PDE1A: variants seen among roughly 807,000 people sequenced by gnomAD.
PDE1A encodes the protein dual specificity calcium/calmodulin-dependent 3',5'-cyclic nucleotide phosphodiesterase 1A.
A neutral mutation model predicts 61.7 loss-of-function variants in PDE1A; 35 were observed. The observed-to-expected ratio is 0.57, with a 90% CI of 0.43 to 0.75. The LOEUF is 0.75. PDE1A is among the 30% of genes least tolerant of loss of function. The probability of loss-of-function intolerance (pLI) is 0.00; values close to 1 mark genes in which losing one functional copy is unlikely to be tolerated. For missense variants in PDE1A, 597 were observed against 630.6 expected (o/e 0.95, Z 0.57); for synonymous variants, 232 against 213.2 (o/e 1.09, Z -0.77).
At chr2:182,713,502 G>C in the PDE1A span, among the ~76,000 whole-genome samples, 2 of 152,196 alleles carry the variant, frequency 1.3e-5, no homozygotes, top group Non-Finnish European at 2.9e-5. Flanking sequence ...GTGGTGGCAT[G>C]TGCCTGTAAT....
At chr2:182,495,914 A>G (rs1469882201) in intron 2 of PDE1A, among the ~76,000 whole-genome samples, 2 of 152,224 alleles carry the variant, frequency 1.3e-5, no homozygotes, top group Non-Finnish European at 1.5e-5. Context: ...GTGTCAATGC[A>G]CTGTTCTTCA....
chr2:182,430,804 G>T (rs1703899488), upstream of PDE1A, among the ~76,000 whole-genome samples: 2 of 132,114 alleles, frequency 1.5e-5, no homozygotes, highest in South Asian at 5.5e-4. Flanking sequence ...CATGTCCTTT[G>T]TAGGGACATG....
rs1279701828 is a variant in PDE1A at position 182,497,285 on chromosome 2, G to A, written c.101+24991C>T. 4.6e-5 allele frequency among the ~76,000 whole-genome samples: 7 copies of A among 152,278 alleles called. No homozygotes were observed. The South Asian group carries it at 1.5e-3, about 32-fold the overall frequency. On this transcript the variant is annotated intron_variant, in intron 2 of 14. Transcript: ENST00000410103. The stretch of plus-strand genomic sequence containing the variant: ...TTCGGGAGTGTGGAAACTAGGTGGA[G>A]GGGTGGAAACCTTAGCAAAGGATGA...
intron 13 of PDE1A, among the ~76,000 whole-genome samples, chr2:182,152,123 A>G (rs1690816213): frequency 6.6e-6 from 1 of 152,182 alleles, no homozygotes; most frequent in Non-Finnish European, 1.5e-5. Flanking sequence ...TTATTTTTTC[A>G]TAAGAAGAAT....
downstream of PDE1A, among the ~76,000 whole-genome samples, chr2:182,167,034 G>A (rs1691686817): frequency 6.6e-6 from 1 of 152,052 alleles, no homozygotes; most frequent in Non-Finnish European, 1.5e-5. Context: ...AACAAAAACA[G>A]TACAGTAAAC....
intron 1 of PDE1A, among the ~76,000 whole-genome samples, chr2:182,416,399 C>G (rs1236009615): frequency 6.6e-6 from 1 of 152,194 alleles, no homozygotes; most frequent in South Asian, 2.1e-4. Context: ...TCTGTTATTT[C>G]TTAATTTACG....
intron 1 of PDE1A, among the ~76,000 whole-genome samples, chr2:182,286,729 A>G (rs58256109): frequency 0.11 from 16,128 of 152,178 alleles, 1,232 homozygotes; most frequent in East Asian, 0.34. Flanking sequence ...GCTTCCACTC[A>G]TATTACATTG....
the PDE1A span, among the ~76,000 whole-genome samples, chr2:182,594,316 T>TA: frequency 6.6e-6 from 1 of 152,228 alleles, no homozygotes; most frequent in African/African-American, 2.4e-5. Flanking sequence ...CATCTCTAGA[T>TA]AGAGTCTAAG....
intron 4 of PDE1A, among the ~76,000 whole-genome samples, chr2:182,232,995 TC>T (rs1689704383): frequency 1.3e-5 from 2 of 152,326 alleles, no homozygotes; most frequent in South Asian, 4.1e-4. Context: ...ACTAAAACAT[TC>T]TTTACTTGGT....
intron 1 of PDE1A, among the ~76,000 whole-genome samples, chr2:182,411,126 A>G (rs1197044378): frequency 6.6e-6 from 1 of 152,222 alleles, no homozygotes; most frequent in South Asian, 2.1e-4. Flanking sequence ...AGACCCTTTC[A>G]TGTTCACTTT....
intron 2 of PDE1A, among the ~76,000 whole-genome samples, chr2:182,508,898 G>A (rs1482638120): frequency 6.7e-6 from 1 of 150,248 alleles, no homozygotes; most frequent in Non-Finnish European, 1.5e-5. Flanking sequence ...CCATGCTGGT[G>A]CACTGCACCC....
chr2:182,350,603 G>C (rs1227859020), intron 1 of PDE1A, among the ~76,000 whole-genome samples: 2 of 152,078 alleles, frequency 1.3e-5, no homozygotes, highest in Non-Finnish European at 2.9e-5. Context: ...TGTTTTTCTT[G>C]ACTTGTCATG....
chr2:182,301,774 GACAA>G (rs1300317104), intron 1 of PDE1A, among the ~76,000 whole-genome samples: 1 of 152,208 alleles, frequency 6.6e-6, no homozygotes, highest in African/African-American at 2.4e-5. Context: ...GATAACCATG[GACAA>G]ACAATTACAG....
intron 2 of PDE1A, among the ~76,000 whole-genome samples, chr2:182,437,192 C>G (rs149164408): frequency 0.013 from 1,958 of 151,918 alleles, 27 homozygotes; most frequent in South Asian, 0.047. Flanking sequence ...AACTTCTGGT[C>G]AAAACATCAC....
At chr2:182,562,266 G>C in the PDE1A span, among the ~76,000 whole-genome samples, 135 of 151,854 alleles carry the variant, frequency 8.9e-4, no homozygotes, top group African/African-American at 3.1e-3. Context: ...TAGCATGAAG[G>C]GTTGTTGAAT....
rs548876714 is a variant in PDE1A at position 182,292,655 on chromosome 2, A to C, written c.54-28241T>G. 7.9e-5 allele frequency among the ~76,000 whole-genome samples: 12 copies of C among 152,176 alleles called. No homozygotes were observed. In the East Asian group the frequency reaches 2.3e-3, roughly 29 times the overall value. ...TTTATTTTTTATAATATCATAATGC[A>C]GAAAACAGAAACAAGAAAGTGGAAA... is the stretch of plus-strand genomic sequence containing the variant. On this transcript the variant is annotated intron_variant, in intron 1 of 13. Coordinates refer to ENST00000351439, the Ensembl canonical transcript of PDE1A.
Position 182,225,176 on chromosome 2 carries a change from TAGAA to T in PDE1A, c.676-1216_676-1213del, listed in dbSNP as rs774591340. ...AGGATGGAGACAGAAGAATTTCAAATAGAAAGAGCAAATGTAGAATCATACTATA... is the reference window on the plus strand; with the variant it reads ...AGGATGGAGACAGAAGAATTTCAAATAGAGCAAATGTAGAATCATACTATA... On this transcript the variant is annotated intron_variant, in intron 6 of 13. Coordinates refer to ENST00000351439, the Ensembl canonical transcript of PDE1A. 2.6e-4 allele frequency among the ~76,000 whole-genome samples: 40 copies of T among 151,990 alleles called. 1 individual carries two copies. The highest frequency in any genetic ancestry group is 1.7e-3 in the South Asian group (8 of 4,830).
At chr2:182,225,970 C>T (rs1367741474) in intron 6 of PDE1A, among the ~76,000 whole-genome samples, 1 of 149,632 alleles carries the variant, frequency 6.7e-6, no homozygotes, top group Non-Finnish European at 1.5e-5. Flanking sequence ...TTATAGAGGT[C>T]TGAATTGGGA....
chr2:182,551,938 T>C, the PDE1A span, among the ~76,000 whole-genome samples: 1 of 152,320 alleles, frequency 6.6e-6, no homozygotes, highest in African/African-American at 2.4e-5. Flanking sequence ...AGTGTCTATT[T>C]CTATACTCAG....
Sources: allele counts gnomAD v4.1 joint callset (sites outside exome capture counted in the v4.1 genomes callset), GRCh38; gene constraint gnomAD v4.1.1; transcripts MANE v1.5; gene names NCBI Gene and HGNC (gene_info 2026-07-23, HGNC 2026-07-21).